The following AOX1 variants were observed in gnomAD, a reference collection of about 807,000 sequenced individuals.
AOX1 encodes the protein aldehyde oxidase.
In AOX1, 153 loss-of-function variants were observed where a neutral mutation model predicts 169.5. That is an observed-to-expected ratio of 0.90 (90% CI 0.79 to 1.03). The LOEUF (loss-of-function observed/expected upper bound fraction) is 1.03. AOX1 is among the 50% of genes least tolerant of loss of function. The pLI is 0.00. For synonymous variants in AOX1, 562 were observed against 581.9 expected (o/e 0.97, Z 0.49); for missense variants, 1,656 against 1,663.9 (o/e 1.00, Z 0.08).
chr2:200,644,881 G>A (rs534066806), intron 25 of AOX1, among the ~76,000 whole-genome samples: 5 of 152,176 alleles, frequency 3.3e-5, no homozygotes, highest in Admixed American at 2.6e-4. Context: ...CTACTGATTT[G>A]TGTACATTAG....
chr2:200,624,662 G>A (rs2034964844), intron 19 of AOX1, among the ~76,000 whole-genome samples: 1 of 152,190 alleles, frequency 6.6e-6, no homozygotes, highest in Admixed American at 6.5e-5. Context: ...ATGCCTACAG[G>A]TATTTTGGCA....
At chr2:200,618,233 A>G (rs2034808647) in intron 16 of AOX1, among the ~76,000 whole-genome samples, 1 of 152,264 alleles carries the variant, frequency 6.6e-6, no homozygotes, top group Non-Finnish European at 1.5e-5. Context: ...ACAATAACTG[A>G]AAATGAAAAA....
chr2:200,643,398 C>CACACAT (rs142362161), intron 25 of AOX1, among the ~76,000 whole-genome samples: 1 of 148,794 alleles, frequency 6.7e-6, no homozygotes, highest in Non-Finnish European at 1.5e-5. Flanking sequence ...CACACACACA[C>CACACAT]ATATATATAT....
chr2:200,593,763 G>A (rs2106365811), intron 2 of AOX1, among the ~76,000 whole-genome samples: 1 of 152,228 alleles, frequency 6.6e-6, no homozygotes, highest in South Asian at 2.1e-4. Context: ...TCCCCCTGGA[G>A]AGAGTAAAAT....
intron 20 of AOX1, among the ~76,000 whole-genome samples, chr2:200,633,121 T>A (rs2035161665): frequency 6.6e-6 from 1 of 152,180 alleles, no homozygotes; most frequent in Admixed American, 6.6e-5. Flanking sequence ...CTCCTATAGA[T>A]GAAGTAGTGT....
chr2:200,679,826 A>G (rs2036138145), downstream of AOX1, among the ~76,000 whole-genome samples: 1 of 152,200 alleles, frequency 6.6e-6, no homozygotes, highest in African/African-American at 2.4e-5. Context: ...GCACACCTGT[A>G]ATCCTGGCAC....
chr2:200,671,977 A>G (rs150998729), downstream of AOX1, among the ~76,000 whole-genome samples: 396 of 152,340 alleles, frequency 2.6e-3, 1 homozygote, highest in African/African-American at 7.6e-3. Flanking sequence ...ATATAAAAAA[A>G]AAGCACTATT....
chr2:200,663,596 T>TCTCCC (rs141563329), intron 31 of AOX1, among the ~76,000 whole-genome samples: 6,787 of 147,258 alleles, frequency 0.046, 225 homozygotes, highest in Non-Finnish European at 0.071. Flanking sequence ...TCTCTCTCTC[T>TCTCCC]CCCCCTCTTT....
At chr2:200,656,738 C>A (rs530934305) in intron 26 of AOX1, 104 bp from the exon 27 acceptor site, 2 of 836,028 alleles carry the variant, frequency 2.4e-6, no homozygotes, top group African/African-American at 1.8e-5. Context: ...CTGGGGGGTG[C>A]GGGATTCTTG....
intron 18 of AOX1, 39 bp from the exon 19 acceptor site, chr2:200,623,822 C>G: frequency 3.7e-6 from 6 of 1,612,004 alleles, no homozygotes; most frequent in Non-Finnish European, 5.1e-6. Context: ...GGACCTGATG[C>G]CTGCCCTCCT....
At chr2:200,676,265 C>T (rs16834021), downstream of AOX1, among the ~76,000 whole-genome samples, 14,294 of 152,032 alleles carry the variant, frequency 0.094, 817 homozygotes, top group African/African-American at 0.16. Context: ...TGATTTAGCT[C>T]CATGTCACTG....
At chr2:200,590,687 G>T (rs962891497) in intron 1 of AOX1, among the ~76,000 whole-genome samples, 2 of 152,104 alleles carry the variant, frequency 1.3e-5, no homozygotes, top group African/African-American at 4.8e-5. Flanking sequence ...CTTCTTCCAT[G>T]AATTCTTTCC....
intron 28 of AOX1, 59 bp downstream of exon 28, chr2:200,659,352 T>G: frequency 1.0e-5 from 16 of 1,558,478 alleles, no homozygotes; most frequent in African/African-American, 1.4e-5. Context: ...AATACGTGGG[T>G]GGGTGGAGCT....
chr2:200,667,600 G>A (rs2035946681), intron 32 of AOX1, among the ~76,000 whole-genome samples: 1 of 152,150 alleles, frequency 6.6e-6, no homozygotes, highest in Non-Finnish European at 1.5e-5. Flanking sequence ...TGAAAGAAGA[G>A]TGGAGGAAGT....
chr2:200,609,211 T>C lies in AOX1; in HGVS notation c.1059+76T>C, dbSNP rs542221016. Reference sequence around the variant, plus strand: ...CCCTGATGAATCATGACATTTTCATTCTTTTGGAACAGACAAAAAAAATAG... The same window carrying C: ...CCCTGATGAATCATGACATTTTCATCCTTTTGGAACAGACAAAAAAAATAG... On this transcript the variant is annotated intron_variant, in intron 11 of 34. Coordinates refer to ENST00000374700, the MANE Select transcript of AOX1 (RefSeq NM_001159.4). The C allele has an allele frequency of 1.5e-5, 24 of 1,597,536 alleles. No homozygotes were observed. In the African/African-American group the frequency reaches 2.7e-4, roughly 18 times the overall value.
chr2:200,659,782 TCTCTCACA>T (rs1194354021), intron 28 of AOX1, among the ~76,000 whole-genome samples: 1,880 of 134,726 alleles, frequency 0.014, 23 homozygotes, highest in Middle Eastern at 0.022. Flanking sequence ...GCCAGTTCTC[TCTCTCACA>T]CACACACACA....
chr2:200,651,667 T>A (rs113018905), intron 26 of AOX1, among the ~76,000 whole-genome samples: 12 of 152,304 alleles, frequency 7.9e-5, no homozygotes, highest in African/African-American at 2.2e-4. Flanking sequence ...ATAAATTAAA[T>A]TCAGAAAAAT....
chr2:200,659,782 TCTCTCACACACACACACA>T (rs1273519848), intron 28 of AOX1, among the ~76,000 whole-genome samples, 195 bp from the exon 29 acceptor site: 3 of 134,682 alleles, frequency 2.2e-5, no homozygotes, highest in Non-Finnish European at 3.2e-5. Flanking sequence ...GCCAGTTCTC[TCTCTCACACACACACACA>T]CACACACACA....
In AOX1 at chr2:200,661,571, C is replaced by A; in HGVS notation, c.3376-8C>A. 1 of 1,612,000 alleles carries A rather than the reference C, an allele frequency of 6.2e-7. No individual in the cohort carries two copies. On this transcript the variant is annotated splice_polypyrimidine_tract_variant and splice_region_variant and intron_variant, in intron 29 of 34. Transcript: ENST00000374700. ...CTTGTTGCATCATGCTATGCTCTTC[C>A]TTCACAGGCACAGACTGCTTTTGAT...
Sources: allele counts gnomAD v4.1 joint callset (sites outside exome capture counted in the v4.1 genomes callset), GRCh38; gene constraint gnomAD v4.1.1; transcripts MANE v1.5; gene names NCBI Gene and HGNC (gene_info 2026-07-23, HGNC 2026-07-21).